LRRC4C: variants seen among roughly 807,000 people sequenced by gnomAD.
The protein encoded by LRRC4C is leucine rich repeat containing 4C.
LRRC4C carries 5 observed loss-of-function variants against 33.6 expected under a neutral mutation model. The ratio of observed to expected loss-of-function variants is 0.15; its 90% CI spans 0.08 to 0.31. The LOEUF (loss-of-function observed/expected upper bound fraction) is 0.31. Ranked by LOEUF, LRRC4C falls within the 10% of genes least tolerant of loss-of-function variation. The pLI, the probability that LRRC4C is intolerant of heterozygous loss-of-function variation, is 1.00. For missense variants in LRRC4C, 560 were observed against 796.7 expected, an observed-to-expected ratio of 0.70 and a Z score of 3.58; for synonymous variants, 329 against 302.0, an observed-to-expected ratio of 1.09 and a Z score of -0.93.
chr11:40,972,898 T>A (rs540750898), intron 1 of LRRC4C, among the ~76,000 whole-genome samples: 5 of 152,290 alleles, frequency 3.3e-5, no homozygotes, highest in African/African-American at 1.2e-4. Context: ...ATTGTAATCT[T>A]TCAGTGTTGG....
At chr11:40,909,945 T>G (rs1956593232) in intron 2 of LRRC4C, among the ~76,000 whole-genome samples, 1 of 152,188 alleles carries the variant, frequency 6.6e-6, no homozygotes, top group Non-Finnish European at 1.5e-5. Flanking sequence ...ATCATTTATT[T>G]TAATGGAACA....
chr11:41,111,423 T>C (rs1941823954), intron 1 of LRRC4C, among the ~76,000 whole-genome samples: 1 of 152,064 alleles, frequency 6.6e-6, no homozygotes, highest in South Asian at 2.1e-4. Flanking sequence ...TTTGAATTCA[T>C]AACCACCGCT....
chr11:40,886,405 C>CCACACACACA (rs1565169523), intron 2 of LRRC4C, among the ~76,000 whole-genome samples: 6 of 23,530 alleles, frequency 2.5e-4, no homozygotes, highest in Non-Finnish European at 5.4e-4. Context: ...GTTTCAAATG[C>CCACACACACA]TACACACACA....
chr11:40,255,222 C>T (rs890138583), intron 4 of LRRC4C, among the ~76,000 whole-genome samples: 6 of 152,032 alleles, frequency 3.9e-5, no homozygotes, highest in South Asian at 2.1e-4. Flanking sequence ...CAAGATCTCC[C>T]GGACAAGGTG....
intron 2 of LRRC4C, among the ~76,000 whole-genome samples, chr11:40,894,779 A>G (rs1955864331): frequency 6.6e-6 from 1 of 152,126 alleles, no homozygotes; most frequent in African/African-American, 2.4e-5. Flanking sequence ...CAGTCCACCC[A>G]TAATTCAAGG....
intron 3 of LRRC4C, among the ~76,000 whole-genome samples, chr11:40,355,295 G>T (rs115044261): frequency 3.8e-4 from 58 of 152,200 alleles, no homozygotes; most frequent in African/African-American, 1.4e-3. Context: ...TGGGAGAGGG[G>T]TGACACAAGC....
intron 1 of LRRC4C, among the ~76,000 whole-genome samples, chr11:41,347,756 G>A: frequency 6.6e-6 from 1 of 152,174 alleles, no homozygotes; most frequent in East Asian, 1.9e-4. Context: ...AGCAGTGAGA[G>A]TTTATCTCCT....
At chr11:41,121,849 C>T (rs1333719551) in intron 1 of LRRC4C, among the ~76,000 whole-genome samples, 2 of 151,632 alleles carry the variant, frequency 1.3e-5, no homozygotes, top group Non-Finnish European at 2.9e-5. Flanking sequence ...CTAGGCAGAT[C>T]AATAATTTCC....
At chr11:40,581,728 C>A (rs997568385) in intron 3 of LRRC4C, among the ~76,000 whole-genome samples, 2 of 152,006 alleles carry the variant, frequency 1.3e-5, no homozygotes, top group African/African-American at 4.8e-5. Flanking sequence ...ATGGTGAAAC[C>A]CTGACTCTAC....
chr11:40,522,236 G>A (rs1448552994), intron 3 of LRRC4C, among the ~76,000 whole-genome samples: 1 of 152,172 alleles, frequency 6.6e-6, no homozygotes, highest in African/African-American at 2.4e-5. Flanking sequence ...TGCCATGTTG[G>A]CCAGCCTGGT....
chr11:41,150,973 C>T (rs1191697037), intron 1 of LRRC4C, among the ~76,000 whole-genome samples: 1 of 151,902 alleles, frequency 6.6e-6, no homozygotes, highest in Non-Finnish European at 1.5e-5. Context: ...GTTCATATTT[C>T]AGTGGAGATC....
At chr11:41,316,679 A>G (rs1346531556) in intron 1 of LRRC4C, among the ~76,000 whole-genome samples, 3 of 152,188 alleles carry the variant, frequency 2.0e-5, no homozygotes, top group South Asian at 2.1e-4. Context: ...ATACTTTGCT[A>G]AATCTCCATC....
intron 1 of LRRC4C, among the ~76,000 whole-genome samples, chr11:41,317,336 T>C (rs74531135): frequency 7.4e-4 from 113 of 152,302 alleles, no homozygotes; most frequent in African/African-American, 2.7e-3. Flanking sequence ...GCATTTTAAC[T>C]TTTACGGCCA....
chr11:40,673,915 C>T (rs191947509), intron 2 of LRRC4C, among the ~76,000 whole-genome samples: 46 of 152,280 alleles, frequency 3.0e-4, no homozygotes, highest in African/African-American at 1.1e-3. Flanking sequence ...GCAGGCAATG[C>T]ACCATTGTAT....
At chr11:40,541,778 G>A (rs1439340971) in intron 3 of LRRC4C, among the ~76,000 whole-genome samples, 1 of 152,184 alleles carries the variant, frequency 6.6e-6, no homozygotes, top group Non-Finnish European at 1.5e-5. Flanking sequence ...TAACCTTGAT[G>A]TTTTCCCTTT....
chr11:41,389,645 A>AAAAAAAAAAAAAAAT, intron 1 of LRRC4C, among the ~76,000 whole-genome samples: 1 of 150,634 alleles, frequency 6.6e-6, no homozygotes, highest in Non-Finnish European at 1.5e-5. Context: ...GCAGCAAAAA[A>AAAAAAAAAAAAAAAT]AAAAAAAATC....
At chr11:41,256,307 C>T (rs553725960) in intron 1 of LRRC4C, among the ~76,000 whole-genome samples, 6 of 151,984 alleles carry the variant, frequency 3.9e-5, no homozygotes, top group Non-Finnish European at 7.4e-5. Context: ...TCAGCAGGTT[C>T]CCACTCTACA....
intron 2 of LRRC4C, among the ~76,000 whole-genome samples, chr11:40,781,164 T>C (rs1211561590): frequency 6.6e-6 from 1 of 152,130 alleles, no homozygotes; most frequent in Admixed American, 6.5e-5. Context: ...TGTAACACCA[T>C]GGTAAATATT....
In LRRC4C at chr11:40,730,911, T is replaced by C. The variant is rs569208499; in HGVS notation, c.-406-82633A>G. ...TGCCAAATCTCATGTTGAAATGTGA[T>C]CCCCAGTGTTGGCTGTAGGGCCTGG... is the stretch of plus-strand genomic sequence containing the variant. On this transcript the variant is annotated intron_variant, in intron 2 of 6. Transcript: ENST00000528697. Among the ~76,000 whole-genome samples the C allele has an allele frequency of 5.3e-5, 8 of 152,308 alleles. No individual in the cohort carries two copies. In the East Asian group the frequency reaches 1.5e-3, roughly 29 times the overall value.
Sources: gnomAD v4.1 joint callset for allele counts (sites outside exome capture counted in the v4.1 genomes callset) on GRCh38, gnomAD v4.1.1 for gene constraint, MANE v1.5 for transcripts, NCBI Gene and HGNC (gene_info 2026-07-23, HGNC 2026-07-21) for gene names.